The following GXYLT2 variants were observed in gnomAD, a reference collection of about 807,000 sequenced individuals.
The protein encoded by GXYLT2 is glycosyltransferase 8 domain containing 4.
A neutral mutation model predicts 45.8 loss-of-function variants in GXYLT2; 53 were observed. That is an observed-to-expected ratio of 1.16 (90% CI 0.93 to 1.46). The LOEUF is 1.46. Among genes scored for constraint, GXYLT2 ranks in the 40% most tolerant of loss-of-function variants. The pLI, the probability that GXYLT2 is intolerant of heterozygous loss-of-function variation, is 0.00. For missense variants in GXYLT2, 551 were observed against 544.4 expected, an observed-to-expected ratio of 1.01 and a Z score of -0.12; for synonymous variants, 219 against 214.2, an observed-to-expected ratio of 1.02 and a Z score of -0.19.
At chr3:72,897,269 C>T (rs906704997) in intron 1 of GXYLT2, among the ~76,000 whole-genome samples, 4 of 152,162 alleles carry the variant, frequency 2.6e-5, no homozygotes, top group Non-Finnish European at 4.4e-5. Context: ...AAGCTTCAGT[C>T]GCAAGTGAAG....
Position 72,975,069 on chromosome 3 carries a change from G to A in GXYLT2, c.1242G>A (p.Pro414=), listed in dbSNP as rs764633152. 11 of 1,613,290 alleles carry A rather than the reference G, an allele frequency of 6.8e-6. No individual in the cohort carries two copies. The highest frequency in any genetic ancestry group is 2.2e-5 in the South Asian group (2 of 91,042). The change falls in exon 7 of 7, where the codon CCG becomes CCA. Residue 414 remains proline (P), a synonymous_variant. Transcript: ENST00000389617. Reference sequence around the variant, plus strand: ...TGCACACTTTATGTGGACGAATCCCGCAAGTTTTTCTGAAGCAAATTGAGA... The same window carrying A: ...TGCACACTTTATGTGGACGAATCCCACAAGTTTTTCTGAAGCAAATTGAGA... The part of the protein sequence containing the change: ...ETVHTLCGRI[P]QVFLKQIEKT...
intron 3 of GXYLT2, among the ~76,000 whole-genome samples, chr3:72,949,344 C>G (rs988750612): frequency 9.9e-5 from 15 of 151,952 alleles, no homozygotes; most frequent in African/African-American, 3.6e-4. Flanking sequence ...GTCACTTCTG[C>G]TGGGAAGCTT....
At chr3:72,911,023 G>A (rs1709608055) in intron 2 of GXYLT2, among the ~76,000 whole-genome samples, 1 of 152,056 alleles carries the variant, frequency 6.6e-6, no homozygotes. Flanking sequence ...CAGGCGTGGT[G>A]GCTCACACCT....
chr3:72,961,831 A>G (rs1449834833), intron 5 of GXYLT2, among the ~76,000 whole-genome samples: 2 of 152,184 alleles, frequency 1.3e-5, no homozygotes, highest in Non-Finnish European at 2.9e-5. Flanking sequence ...GGCAATTTCT[A>G]GAAAACTGAG....
rs116295252 is a variant in GXYLT2, at chr3:72,935,117, G to A, written c.600+12782G>A. Among the ~76,000 whole-genome samples the A allele has an allele frequency of 8.9e-3, 1,357 of 152,176 alleles. 18 individuals are homozygous for A. Among genetic ancestry groups the A allele is most frequent in the African/African-American group, 0.031 (1,269 of 41,528 alleles). On this transcript the variant is annotated intron_variant, in intron 3 of 6. Coordinates refer to ENST00000389617, the MANE Select transcript of GXYLT2 (RefSeq NM_001080393.2). The stretch of plus-strand genomic sequence containing the variant: ...AACCTACAGAAAATCATATATGGAA[G>A]ATGAATAAAACTTCTAAAGAAATTA...
intron 2 of GXYLT2, among the ~76,000 whole-genome samples, chr3:72,909,314 C>T (rs935399966): frequency 6.6e-6 from 1 of 151,770 alleles, no homozygotes; most frequent in African/African-American, 2.4e-5. Flanking sequence ...AAATGATCCA[C>T]CTGCCTGTCC....
At chr3:72,967,511 C>T (rs1320098927) in intron 5 of GXYLT2, 36 bp from the exon 6 acceptor site, 2 of 1,555,264 alleles carry the variant, frequency 1.3e-6, no homozygotes, top group South Asian at 1.1e-5. Context: ...CTGGCACTAA[C>T]CGTGGACATA....
At chr3:72,901,477 A>AAG (rs1463489492) in intron 1 of GXYLT2, among the ~76,000 whole-genome samples, 1 of 151,308 alleles carries the variant, frequency 6.6e-6, no homozygotes, top group Non-Finnish European at 1.5e-5. Context: ...AGAAAAAAAA[A>AAG]AAGTATACTA....
Position 72,892,880 on chromosome 3 carries a change from C to T in GXYLT2, c.275+4372C>T, listed in dbSNP as rs115836793. Among the ~76,000 whole-genome samples the T allele has an allele frequency of 5.5e-3, 838 of 152,246 alleles. 10 individuals are homozygous for T. The highest frequency in any genetic ancestry group is 0.019 in the African/African-American group (795 of 41,546). ...TTGTTGATTGGTCCATGAATCCCCT[C>T]GATCACCCTCCACACCTACTCAGTC... On this transcript the variant is annotated intron_variant, in intron 1 of 6. Coordinates refer to ENST00000389617, the MANE Select transcript of GXYLT2 (RefSeq NM_001080393.2).
intron 3 of GXYLT2, among the ~76,000 whole-genome samples, chr3:72,952,763 TC>T (rs572075792): frequency 9.3e-4 from 142 of 152,086 alleles, no homozygotes; most frequent in African/African-American, 3.4e-3. Flanking sequence ...AGGGCACTGA[TC>T]CCATCTTGAG....
chr3:72,912,011 A>AT (rs1235800748), intron 2 of GXYLT2, among the ~76,000 whole-genome samples: 28 of 115,528 alleles, frequency 2.4e-4, no homozygotes, highest in East Asian at 2.3e-3. Flanking sequence ...ATATATATAT[A>AT]TATTTTTTTT....
chr3:72,936,663 C>A (rs1241047221), intron 3 of GXYLT2, among the ~76,000 whole-genome samples: 5 of 60,594 alleles, frequency 8.3e-5, no homozygotes, highest in African/African-American at 5.7e-4. Context: ...AACAAAAAAA[C>A]AACAAAAAAA....
At chr3:72,929,608 A>G (rs1709986799) in intron 3 of GXYLT2, 4 of 993,426 alleles carry the variant, frequency 4.0e-6, no homozygotes, top group South Asian at 1.3e-5. Flanking sequence ...GCCTCAGGCT[A>G]ATTTCCCCAT....
At chr3:72,959,174 G>A (rs1710718895) in intron 5 of GXYLT2, among the ~76,000 whole-genome samples, 1 of 138,934 alleles carries the variant, frequency 7.2e-6, no homozygotes, top group Non-Finnish European at 1.5e-5. Context: ...CTGGAGTGCA[G>A]TGGCATGATC....
intron 3 of GXYLT2, among the ~76,000 whole-genome samples, chr3:72,948,564 C>A (rs758417315): frequency 1.3e-5 from 2 of 152,138 alleles, no homozygotes; most frequent in African/African-American, 2.4e-5. Flanking sequence ...CCGGGCCAGG[C>A]GCAGTGGCTC....
chr3:72,905,265 A>G (rs989146458), intron 1 of GXYLT2, among the ~76,000 whole-genome samples: 1 of 151,784 alleles, frequency 6.6e-6, no homozygotes, highest in Admixed American at 6.6e-5. Flanking sequence ...TTACAGGCAC[A>G]CGCCACCACA....
At chr3:72,971,071 G>A (rs1254795641) in intron 6 of GXYLT2, among the ~76,000 whole-genome samples, 1 of 152,126 alleles carries the variant, frequency 6.6e-6, no homozygotes, top group Non-Finnish European at 1.5e-5. Flanking sequence ...TCAGGAGTAC[G>A]AGCAGAAGTT....
chr3:72,949,475 A>T (rs919201082), intron 3 of GXYLT2, among the ~76,000 whole-genome samples: 5 of 147,154 alleles, frequency 3.4e-5, no homozygotes, highest in African/African-American at 1.3e-4. Context: ...GTGAACAGGG[A>T]ATATGTATCA....
chr3:72,968,939 C>T (rs1360610128), intron 6 of GXYLT2, among the ~76,000 whole-genome samples: 3 of 151,786 alleles, frequency 2.0e-5, no homozygotes, highest in Non-Finnish European at 4.4e-5. Flanking sequence ...GGTGTGGTGG[C>T]GAGCGCCTGT....
Sources: gnomAD v4.1 joint callset for allele counts (sites outside exome capture counted in the v4.1 genomes callset) on GRCh38, gnomAD v4.1.1 for gene constraint, MANE v1.5 for transcripts, NCBI Gene and HGNC (gene_info 2026-07-23, HGNC 2026-07-21) for gene names.